The following S100A12 variants were observed in gnomAD, a reference collection of about 807,000 sequenced individuals.
S100A12 encodes the protein S100 calcium binding protein A12, also known as protein S100-A12.
In S100A12, 3 loss-of-function variants were observed where a neutral mutation model predicts 4.0. The ratio of observed to expected loss-of-function variants is 0.75; its 90% CI spans 0.34 to 1.94. The LOEUF is 1.94. S100A12 is among the 30% of genes most tolerant of loss of function. The probability of loss-of-function intolerance (pLI) is 0.07; values close to 1 mark genes in which losing one functional copy is unlikely to be tolerated. For synonymous variants in S100A12, 50 were observed against 41.4 expected, an observed-to-expected ratio of 1.21 and a Z score of -0.79; for missense variants, 122 against 107.0, an observed-to-expected ratio of 1.14 and a Z score of -0.62.
chr1:153,374,864 C>T (rs540255906), intron 1 of S100A12, among the ~76,000 whole-genome samples: 7 of 152,272 alleles, frequency 4.6e-5, no homozygotes, highest in African/African-American at 9.6e-5. Context: ...CCTCATCCAC[C>T]GGGGTGCATA....
intron 1 of S100A12, among the ~76,000 whole-genome samples, chr1:153,375,287 A>T (rs1157531115): frequency 1.3e-5 from 2 of 151,952 alleles, no homozygotes; most frequent in Non-Finnish European, 2.9e-5. Context: ...TCACCTCATG[A>T]TCCGCCCGCC....
In S100A12 at chr1:153,373,741, C is replaced by A; in HGVS notation, c.*86G>T. 1 of 1,147,920 alleles carries A rather than the reference C, an allele frequency of 8.7e-7. No homozygotes were observed. The highest frequency in any genetic ancestry group is 1.3e-6 in the Non-Finnish European group (1 of 772,868). The allele number at this position is 1,147,920 out of a possible 1,614,324, so 71.1% of individuals were successfully genotyped here. A position where few individuals can be genotyped will look rare whatever the true frequency, so the allele number is the denominator to read the frequency against. ...GTGAGTGTGTTTATTAACTCTTACT[C>A]CCCACGGGCAAGGCTGGGTTTTGGT... On this transcript the variant is annotated 3_prime_UTR_variant, in exon 3 of 3. Transcript: ENST00000368737.
At chr1:153,374,336 G>C in intron 2 of S100A12, 119 bp downstream of exon 2, 2 of 938,034 alleles carry the variant, frequency 2.1e-6, no homozygotes, top group Non-Finnish European at 3.2e-6. Context: ...GCATCCTTTG[G>C]GAGCTCAAAC....
Position 153,373,782 on chromosome 1 carries a change from C to A in S100A12, c.*45G>T. The A allele has an allele frequency of 6.4e-7, 1 of 1,560,406 alleles. No individual in the cohort carries two copies. The highest frequency in any genetic ancestry group is 2.2e-5 in the East Asian group (1 of 44,576). On this transcript the variant is annotated 3_prime_UTR_variant, in exon 3 of 3. Coordinates refer to ENST00000368737, the MANE Select transcript of S100A12 (RefSeq NM_005621.2). ...GGGTTTTGGTGAGGGAAAGAAAAGA[C>A]CCTCATTGAGGACATTGCTGGGTAA...
intron 2 of S100A12, 108 bp downstream of exon 2, chr1:153,374,347 T>C: frequency 8.7e-7 from 1 of 1,151,914 alleles, no homozygotes; most frequent in Non-Finnish European, 1.2e-6. Flanking sequence ...GAGCTCAAAC[T>C]GGGGCCAACC....
In S100A12 at chr1:153,374,696, C is replaced by T; in HGVS notation, c.-20-84G>A. On this transcript the variant is annotated intron_variant, in intron 1 of 2. Coordinates refer to ENST00000368737, the MANE Select transcript of S100A12 (RefSeq NM_005621.2). Reference sequence around the variant, plus strand: ...CTCCCCTCTCTTTCTGAATCAAGGGCCTAAAGAAAACATAACATCCTCCAT... The same window carrying T: ...CTCCCCTCTCTTTCTGAATCAAGGGTCTAAAGAAAACATAACATCCTCCAT... The T allele has an allele frequency of 3.3e-6, 3 of 916,760 alleles. No individual in the cohort carries two copies. The South Asian group carries it at 4.7e-5, about 14-fold the overall frequency. The allele number at this position is 916,760 out of a possible 1,614,324, so 56.8% of individuals were successfully genotyped here. A position where few individuals can be genotyped will look rare whatever the true frequency, so the allele number is the denominator to read the frequency against.
At chr1:153,375,396 G>T (rs886729919) in intron 1 of S100A12, among the ~76,000 whole-genome samples, 156 bp downstream of exon 1, 1 of 152,182 alleles carries the variant, frequency 6.6e-6, no homozygotes, top group Non-Finnish European at 1.5e-5. Context: ...AGCACAACAA[G>T]AGCTGATCTA....
intron 2 of S100A12, 63 bp from the exon 3 acceptor site, chr1:153,374,030 C>A: frequency 6.7e-7 from 1 of 1,492,668 alleles, no homozygotes; most frequent in Non-Finnish European, 9.3e-7. Context: ...CTTTCTTAGG[C>A]CTCTTATCCC....
chr1:153,374,450 C>T lies in S100A12; in HGVS notation c.138+5G>A, dbSNP rs1439713873. On this transcript the variant is annotated splice_donor_5th_base_variant and intron_variant, in intron 2 of 2. Coordinates refer to ENST00000368737, the MANE Select transcript of S100A12 (RefSeq NM_005621.2). Reference sequence around the variant, plus strand: ...CAAGTTTGCAGTGAGAGGGGCATCACCTACCTTGATGGTGTTTGCAAGCTC... The same window carrying T: ...CAAGTTTGCAGTGAGAGGGGCATCATCTACCTTGATGGTGTTTGCAAGCTC... 4.3e-6 allele frequency: 7 copies of T among 1,611,466 alleles called. No individual in the cohort carries two copies. Among genetic ancestry groups the T allele is most frequent in the South Asian group, 3.3e-5 (3 of 90,730 alleles).
chr1:153,375,039 TTTTG>T lies in S100A12; in HGVS notation c.-20-431_-20-428del, dbSNP rs371895972. On this transcript the variant is annotated intron_variant, in intron 1 of 2. Coordinates refer to ENST00000368737, the MANE Select transcript of S100A12 (RefSeq NM_005621.2). ...TTTTTTGTTGTTGTTGTTTTGGGTT[TTTTG>T]TTTGTTTGTTTGTTTGTTTTTGAGA... is the stretch of plus-strand genomic sequence containing the variant. Among the ~76,000 whole-genome samples, 31 of 151,974 alleles carry T rather than the reference TTTTG, an allele frequency of 2.0e-4. No individual in the cohort carries two copies. The South Asian group carries it at 2.7e-3, about 13-fold the overall frequency.
chr1:153,375,271 A>G (rs1008875306), intron 1 of S100A12, among the ~76,000 whole-genome samples: 9 of 151,894 alleles, frequency 5.9e-5, no homozygotes, highest in African/African-American at 2.2e-4. Context: ...GATGGTCTCG[A>G]TCTCCTCACC....
chr1:153,374,001 A>C, intron 2 of S100A12, 34 bp from the exon 3 acceptor site: 1 of 1,609,274 alleles, frequency 6.2e-7, no homozygotes, highest in Non-Finnish European at 8.5e-7. Flanking sequence ...CCTTGAGTTC[A>C]GAACCTCCAC....
At chr1:153,375,079 C>T (rs1014015433) in intron 1 of S100A12, among the ~76,000 whole-genome samples, 27 of 152,142 alleles carry the variant, frequency 1.8e-4, no homozygotes, top group Middle Eastern at 3.2e-3. Flanking sequence ...CGGAGTCTCA[C>T]TCTGCCGCCC....
In S100A12 at chr1:153,373,933, A is replaced by G; in HGVS notation, c.173T>C (p.Phe58Ser). Residue 58 changes from phenylalanine to serine, a missense_variant, in exon 3 of 3, where the codon TTC becomes TCC. Physicochemically the swap from Phe to Ser is radical, Grantham distance 155. Coordinates refer to ENST00000368737, the MANE Select transcript of S100A12 (RefSeq NM_005621.2). Reference protein sequence around the residue: ...IKDKAVIDEIFQGLDANQDEQ... With the variant: ...IKDKAVIDEISQGLDANQDEQ... The stretch of plus-strand genomic sequence containing the variant: ...ATCTTGATTAGCATCCAGGCCTTGG[A>G]ATATTTCATCAATGACAGCTTTATC... 1 of 1,613,562 alleles carries G rather than the reference A, an allele frequency of 6.2e-7. No homozygotes were observed. Among genetic ancestry groups the G allele is most frequent in the Middle Eastern group, 1.6e-4 (1 of 6,062 alleles).
At chr1:153,374,052 G>T in intron 2 of S100A12, 85 bp from the exon 3 acceptor site, 1 of 1,286,466 alleles carries the variant, frequency 7.8e-7, no homozygotes, top group Non-Finnish European at 1.1e-6. Context: ...CAGAGCTCGG[G>T]TTGTGAAGGC....
chr1:153,375,191 C>T (rs1571160294), intron 1 of S100A12, among the ~76,000 whole-genome samples: 1 of 152,230 alleles, frequency 6.6e-6, no homozygotes, highest in African/African-American at 2.4e-5. Flanking sequence ...GGACTACAGG[C>T]ACCCGCCACC....
At chr1:153,374,322 G>A (rs1661682128) in intron 2 of S100A12, 133 bp downstream of exon 2, 1 of 790,962 alleles carries the variant, frequency 1.3e-6, no homozygotes, top group South Asian at 1.7e-5. Context: ...CAGCAGCGGG[G>A]AGAGCATCCT....
At chr1:153,374,144 C>T in intron 2 of S100A12, 177 bp from the exon 3 acceptor site, 1 of 740,184 alleles carries the variant, frequency 1.4e-6, no homozygotes, top group Non-Finnish European at 2.4e-6. Flanking sequence ...CATGAACCAC[C>T]CTGGAATTAA....
Position 153,373,796 on chromosome 1 carries a change from A to G in S100A12, c.*31T>C. The G allele has an allele frequency of 1.2e-6, 2 of 1,601,946 alleles. No homozygotes were observed. Among genetic ancestry groups the G allele is most frequent in the Non-Finnish European group, 1.7e-6 (2 of 1,169,352 alleles). Reference sequence around the variant, plus strand: ...GAAAGAAAAGACCCTCATTGAGGACATTGCTGGGTAAAAAGCCTTCAGAGA... The same window carrying G: ...GAAAGAAAAGACCCTCATTGAGGACGTTGCTGGGTAAAAAGCCTTCAGAGA... On this transcript the variant is annotated 3_prime_UTR_variant, in exon 3 of 3. Transcript: ENST00000368737.
Sources: allele counts gnomAD v4.1 joint callset (sites outside exome capture counted in the v4.1 genomes callset), GRCh38; gene constraint gnomAD v4.1.1; transcripts MANE v1.5; gene names NCBI Gene and HGNC (gene_info 2026-07-23, HGNC 2026-07-21).